Variants in SLC3A1 observed in about 807,000 individuals in gnomAD.
The protein encoded by SLC3A1 is amino acid transporter heavy chain SLC3A1.
Under a neutral mutation model 60.3 loss-of-function variants are expected in SLC3A1, and 78 were observed. The observed-to-expected ratio is 1.29, with a 90% CI of 1.08 to 1.56. The LOEUF (loss-of-function observed/expected upper bound fraction) is 1.56. SLC3A1 is among the 40% of genes most tolerant of loss of function. The pLI, the probability that SLC3A1 is intolerant of heterozygous loss-of-function variation, is 0.00. For synonymous variants in SLC3A1, 392 were observed against 307.9 expected (o/e 1.27, Z -2.86); for missense variants, 1,172 against 858.9 (o/e 1.36, Z -4.56).
intron 7 of SLC3A1, among the ~76,000 whole-genome samples, chr2:44,305,749 A>G (rs1558465410): frequency 6.6e-6 from 1 of 151,844 alleles, no homozygotes; most frequent in Non-Finnish European, 1.5e-5. Context: ...TTAATATATT[A>G]TAAATGTAAA....
At chr2:44,300,143 G>C in intron 5 of SLC3A1, 53 bp downstream of exon 5, 12 of 1,591,588 alleles carry the variant, frequency 7.5e-6, no homozygotes, top group Non-Finnish European at 1.0e-5. Context: ...AATGTCATCA[G>C]AGTGTTTTCT....
chr2:44,315,982 C>T lies in SLC3A1; in HGVS notation c.1617+2031C>T, dbSNP rs1347499511. ...GCTTTTACTACTCAGCTCAGAGTCA[C>T]AGACACCAGGAGAAAAAAGGTGGGA... On this transcript the variant is annotated intron_variant, in intron 9 of 9. Coordinates refer to ENST00000260649, the MANE Select transcript of SLC3A1 (RefSeq NM_000341.4). Among the ~76,000 whole-genome samples the T allele has an allele frequency of 3.3e-5, 5 of 152,276 alleles. No homozygotes were observed. The East Asian group carries it at 7.7e-4, about 24-fold the overall frequency.
Position 44,275,974 on chromosome 2 carries a change from C to G in SLC3A1, c.430+9C>G. 6.2e-7 allele frequency: 1 copy of G among 1,612,990 alleles called. No homozygotes were observed. Among genetic ancestry groups the G allele is most frequent in the Non-Finnish European group, 8.5e-7 (1 of 1,179,080 alleles). ...GAACGGAGATCTGAAAGGTACATGC[C>G]CAGAGATCATTTAGGGTGGGTGCCA... On this transcript the variant is annotated intron_variant, in intron 1 of 9. Transcript: ENST00000260649.
At chr2:44,310,603 G>A (rs72802983) in intron 7 of SLC3A1, among the ~76,000 whole-genome samples, 4,647 of 151,980 alleles carry the variant, frequency 0.031, 104 homozygotes, top group Non-Finnish European at 0.04. Flanking sequence ...TCTAAGTGTG[G>A]GTTTTTAAAA....
intron 1 of SLC3A1, among the ~76,000 whole-genome samples, chr2:44,279,105 TCTC>T (rs2104331467): frequency 6.6e-6 from 1 of 152,010 alleles, no homozygotes; most frequent in East Asian, 1.9e-4. Context: ...TTCAAGCAAT[TCTC>T]CTGCCTCAGC....
intron 9 of SLC3A1, among the ~76,000 whole-genome samples, chr2:44,315,820 A>G (rs1167745430): frequency 6.6e-6 from 1 of 152,116 alleles, no homozygotes; most frequent in African/African-American, 2.4e-5. Flanking sequence ...TTTGGTGATC[A>G]CATGCATGGC....
chr2:44,316,673 T>C (rs766768471), intron 9 of SLC3A1, among the ~76,000 whole-genome samples: 2 of 152,050 alleles, frequency 1.3e-5, no homozygotes, highest in African/African-American at 2.4e-5. Context: ...AACCTGAAAA[T>C]AGATTGCCTG....
rs549480237 is a variant in SLC3A1 at position 44,283,075 on chromosome 2, C to T, written c.765+1534C>T. ...GTCTCAGGCCAGAGCTTCCCCTTGC[C>T]CGGGTTTGTGTTCTCTCCTGCCTTT... On this transcript the variant is annotated intron_variant, in intron 3 of 9. Transcript: ENST00000260649. Among the ~76,000 whole-genome samples the T allele has an allele frequency of 1.6e-4, 25 of 152,290 alleles. No homozygotes were observed. In the South Asian group the frequency reaches 5.0e-3, roughly 30 times the overall value.
rs796602683 is a variant in SLC3A1, at chr2:44,299,853, T to G, written c.892-118T>G. On this transcript the variant is annotated intron_variant, in intron 4 of 9. Coordinates refer to ENST00000260649, the MANE Select transcript of SLC3A1 (RefSeq NM_000341.4). ...AAAAATAGACTGTGAATACTGTGCT[T>G]GTTCTGTATGTAGATATCTGTTTTA... 1.1e-5 allele frequency: 11 copies of G among 1,031,496 alleles called. No homozygotes were observed. In the South Asian group the frequency reaches 1.4e-4, roughly 13 times the overall value. 63.9% of individuals were successfully genotyped at this position (1,031,496 alleles called of 1,614,324 possible).
intron 4 of SLC3A1, among the ~76,000 whole-genome samples, chr2:44,292,559 A>G (rs1671763306): frequency 6.6e-6 from 1 of 152,136 alleles, no homozygotes; most frequent in Non-Finnish European, 1.5e-5. Flanking sequence ...GGCGATTACA[A>G]TAAAATGTGC....
intron 4 of SLC3A1, among the ~76,000 whole-genome samples, chr2:44,295,406 C>T (rs1671827166): frequency 6.6e-6 from 1 of 152,126 alleles, no homozygotes; most frequent in South Asian, 2.1e-4. Context: ...CCCATTTTTG[C>T]ATCTGGAACC....
chr2:44,302,181 T>C (rs1416498364), intron 6 of SLC3A1, among the ~76,000 whole-genome samples: 2 of 152,244 alleles, frequency 1.3e-5, no homozygotes, highest in East Asian at 3.8e-4. Flanking sequence ...AACACAGCTT[T>C]GGAATCAGGT....
At chr2:44,311,865 T>C (rs956237476) in intron 7 of SLC3A1, among the ~76,000 whole-genome samples, 3 of 152,136 alleles carry the variant, frequency 2.0e-5, no homozygotes, top group African/African-American at 7.2e-5. Flanking sequence ...TCCTCATTTG[T>C]AAAACGGAGA....
At chr2:44,318,037 CCTAATA>C (rs1476442869) in intron 9 of SLC3A1, 1 of 415,908 alleles carries the variant, frequency 2.4e-6, no homozygotes, top group Non-Finnish European at 4.8e-6. Flanking sequence ...TAATTCCATT[CCTAATA>C]CTTAGAAATA....
chr2:44,311,611 A>G (rs947355142), intron 7 of SLC3A1, among the ~76,000 whole-genome samples: 1 of 152,162 alleles, frequency 6.6e-6, no homozygotes, highest in Non-Finnish European at 1.5e-5. Context: ...AAAAGAATAA[A>G]AGGATGGAGG....
chr2:44,311,423 T>C (rs1440175511), intron 7 of SLC3A1, among the ~76,000 whole-genome samples: 1 of 152,174 alleles, frequency 6.6e-6, no homozygotes, highest in East Asian at 1.9e-4. Flanking sequence ...ATATGAGCCA[T>C]ATTTTCCTGT....
At position 44,281,525 on chromosome 2, in the gene SLC3A1, T is replaced by C; in HGVS notation, c.749T>C (p.Ile250Thr). The C allele has an allele frequency of 6.2e-7, 1 of 1,614,090 alleles. No homozygotes were observed. Among genetic ancestry groups the C allele is most frequent in the Non-Finnish European group, 8.5e-7 (1 of 1,179,966 alleles). ...HDCTHENGKT[I>T]PPNNWLSVYG... ...TGTACCCATGAAAATGGCAAAACCATTCCACCCAACAACTGGGTAAGTATC... is the reference window on the plus strand; with the variant it reads ...TGTACCCATGAAAATGGCAAAACCACTCCACCCAACAACTGGGTAAGTATC... Residue 250 changes from isoleucine to threonine, a missense_variant, in exon 3 of 10, where the codon ATT becomes ACT. By Grantham distance (89) the Ile-to-Thr change is moderately conservative. Transcript: ENST00000260649.
intron 4 of SLC3A1, among the ~76,000 whole-genome samples, chr2:44,290,844 A>G (rs1347296490): frequency 2.0e-5 from 3 of 151,932 alleles, no homozygotes; most frequent in Admixed American, 6.6e-5. Flanking sequence ...TGGTCAGCAG[A>G]CTAACTAGGG....
intron 7 of SLC3A1, among the ~76,000 whole-genome samples, chr2:44,306,171 TTC>T (rs1324716323): frequency 6.6e-6 from 1 of 152,198 alleles, no homozygotes; most frequent in Non-Finnish European, 1.5e-5. Flanking sequence ...AGTCAATATC[TTC>T]TGTTGTACCC....
Sources: gnomAD v4.1 joint callset for allele counts (sites outside exome capture counted in the v4.1 genomes callset) on GRCh38, gnomAD v4.1.1 for gene constraint, MANE v1.5 for transcripts, NCBI Gene and HGNC (gene_info 2026-07-23, HGNC 2026-07-21) for gene names.